The following PARD3 variants were observed in gnomAD, a reference collection of about 807,000 sequenced individuals.
PARD3 encodes the protein partitioning defective 3 homolog.
Under a neutral mutation model 155.4 loss-of-function variants are expected in PARD3, and 75 were observed. The observed-to-expected ratio is 0.48, with a 90% confidence interval of 0.40 to 0.58. The LOEUF is 0.58. Ranked by LOEUF, PARD3 falls within the 20% of genes least tolerant of loss-of-function variation. The probability of loss-of-function intolerance (pLI) is 0.00; values close to 1 mark genes in which losing one functional copy is unlikely to be tolerated. For synonymous variants in PARD3, 576 were observed against 610.5 expected, an observed-to-expected ratio of 0.94 and a Z score of 0.83; for missense variants, 1,642 against 1,721.7, an observed-to-expected ratio of 0.95 and a Z score of 0.82.
chr10:34,117,435 G>A (rs1295725924), intron 24 of PARD3, among the ~76,000 whole-genome samples: 3 of 152,178 alleles, frequency 2.0e-5, no homozygotes, highest in Admixed American at 2.0e-4. Flanking sequence ...CAGACTGGAG[G>A]GCAGTGGGGA....
chr10:34,336,178 A>C (rs958330457), intron 18 of PARD3, 21 bp downstream of exon 18: 2 of 1,596,796 alleles, frequency 1.3e-6, no homozygotes, highest in African/African-American at 2.7e-5. Context: ...CTATGGCAAC[A>C]GTCTAACTGT....
At chr10:34,393,119 C>T (rs1440596075) in intron 7 of PARD3, among the ~76,000 whole-genome samples, 1 of 143,484 alleles carries the variant, frequency 7.0e-6, no homozygotes, top group Non-Finnish European at 1.5e-5. Flanking sequence ...ATCAAAGGCA[C>T]CAAAAATGCT....
intron 1 of PARD3, among the ~76,000 whole-genome samples, chr10:34,811,972 AT>A (rs1844239745): frequency 6.6e-6 from 1 of 152,242 alleles, no homozygotes; most frequent in Non-Finnish European, 1.5e-5. Flanking sequence ...ATGAACAGCT[AT>A]TCCCAACCAT....
intron 1 of PARD3, among the ~76,000 whole-genome samples, chr10:34,797,165 G>T (rs1385500468): frequency 1.3e-5 from 2 of 152,152 alleles, no homozygotes; most frequent in African/African-American, 4.8e-5. Context: ...AGCTAAGTAA[G>T]TGGTTAACAA....
chr10:34,681,445 G>A (rs557104171), intron 2 of PARD3, among the ~76,000 whole-genome samples: 63 of 151,770 alleles, frequency 4.2e-4, no homozygotes, highest in Non-Finnish European at 5.2e-4. Context: ...AGGCTGACCT[G>A]AACACACCTC....
chr10:34,217,909 TA>T, intron 22 of PARD3, among the ~76,000 whole-genome samples: 1 of 152,144 alleles, frequency 6.6e-6, no homozygotes, highest in Non-Finnish European at 1.5e-5. Flanking sequence ...ACGGATACCT[TA>T]AAAAATATAA....
intron 2 of PARD3, among the ~76,000 whole-genome samples, chr10:34,630,785 A>G (rs539374973): frequency 5.0e-4 from 76 of 150,736 alleles, no homozygotes; most frequent in Admixed American, 5.3e-4. Context: ...AAACACACAT[A>G]GTGATTTCTG....
At chr10:34,282,776 A>G (rs1298738072) in intron 21 of PARD3, among the ~76,000 whole-genome samples, 1 of 152,132 alleles carries the variant, frequency 6.6e-6, no homozygotes. Flanking sequence ...CTTCTAGGAT[A>G]GAAGTTTATA....
chr10:34,492,840 G>A (rs769829556), intron 3 of PARD3, among the ~76,000 whole-genome samples: 2 of 152,294 alleles, frequency 1.3e-5, no homozygotes, highest in East Asian at 1.9e-4. Flanking sequence ...AACTTAGGTC[G>A]AATCGATTAA....
chr10:34,612,749 G>A (rs1564416663), intron 2 of PARD3, among the ~76,000 whole-genome samples: 1 of 152,192 alleles, frequency 6.6e-6, no homozygotes. Flanking sequence ...AAAAACCACT[G>A]TTGCTAGTCA....
At chr10:34,464,564 C>G (rs1471822801) in intron 4 of PARD3, among the ~76,000 whole-genome samples, 1 of 152,092 alleles carries the variant, frequency 6.6e-6, no homozygotes, top group Non-Finnish European at 1.5e-5. Flanking sequence ...TAAGGACATT[C>G]TCTGAAGGGT....
intron 22 of PARD3, among the ~76,000 whole-genome samples, chr10:34,223,168 A>G (rs937476957): frequency 6.6e-6 from 1 of 152,090 alleles, no homozygotes; most frequent in Non-Finnish European, 1.5e-5. Flanking sequence ...CTGTCCCATC[A>G]CCTCATGGGG....
chr10:34,134,443 C>A (rs184342974), intron 22 of PARD3, among the ~76,000 whole-genome samples: 258 of 152,268 alleles, frequency 1.7e-3, no homozygotes, highest in African/African-American at 5.8e-3. Context: ...GAAGTTGAAA[C>A]CATTGATAAA....
chr10:34,203,446 G>T (rs1205194034), intron 22 of PARD3, among the ~76,000 whole-genome samples: 2 of 152,144 alleles, frequency 1.3e-5, no homozygotes, highest in African/African-American at 4.8e-5. Context: ...CGGGGAATCG[G>T]TTCCAGGACA....
chr10:34,294,365 A>T (rs903202613), intron 20 of PARD3, among the ~76,000 whole-genome samples: 1 of 152,250 alleles, frequency 6.6e-6, no homozygotes, highest in Non-Finnish European at 1.5e-5. Flanking sequence ...ATGTTCATAG[A>T]GCAGACGAAA....
chr10:34,735,393 T>C (rs986893236), intron 1 of PARD3, among the ~76,000 whole-genome samples: 7 of 152,192 alleles, frequency 4.6e-5, no homozygotes, highest in African/African-American at 9.6e-5. Flanking sequence ...TATTATGGAA[T>C]ATGCAATAAC....
chr10:34,782,591 T>G (rs976303354), intron 1 of PARD3, among the ~76,000 whole-genome samples: 1 of 152,210 alleles, frequency 6.6e-6, no homozygotes, highest in African/African-American at 2.4e-5. Flanking sequence ...TAGACATTAT[T>G]TCCTCTACAC....
chr10:34,660,110 A>G (rs570600283), intron 2 of PARD3, among the ~76,000 whole-genome samples: 1 of 152,232 alleles, frequency 6.6e-6, no homozygotes, highest in Non-Finnish European at 1.5e-5. Flanking sequence ...ATAACCCATA[A>G]CATCAATAAC....
At chr10:34,408,038 GTCA>G (rs1466382007) in intron 5 of PARD3, among the ~76,000 whole-genome samples, 1 of 151,896 alleles carries the variant, frequency 6.6e-6, no homozygotes, top group Non-Finnish European at 1.5e-5. Context: ...CTAGAAACCA[GTCA>G]TCTGTATATC....
Sources: allele counts gnomAD v4.1 joint callset (sites outside exome capture counted in the v4.1 genomes callset), GRCh38; gene constraint gnomAD v4.1.1; transcripts MANE v1.5; gene names NCBI Gene and HGNC (gene_info 2026-07-23, HGNC 2026-07-21).